Variants in FGF14 observed in about 807,000 individuals in gnomAD.
The protein encoded by FGF14 is fibroblast growth factor homologous factor 4.
FGF14 carries 5 observed loss-of-function variants against 25.5 expected under a neutral mutation model. The ratio of observed to expected loss-of-function variants is 0.20; its 90% CI spans 0.10 to 0.41. FGF14 has a LOEUF of 0.41. Among genes scored for constraint, FGF14 ranks in the 10% least tolerant of loss-of-function variants. The pLI is 1.00. For missense variants in FGF14, 222 were observed against 320.1 expected (o/e 0.69, Z 2.34); for synonymous variants, 138 against 118.3 (o/e 1.17, Z -1.08).
intron 1 of FGF14, among the ~76,000 whole-genome samples, chr13:101,935,793 A>G (rs2035062455): frequency 6.6e-6 from 1 of 152,186 alleles, no homozygotes; most frequent in Non-Finnish European, 1.5e-5. Context: ...ACACACAGAG[A>G]TGTTCTATCC....
intron 3 of FGF14, among the ~76,000 whole-genome samples, chr13:101,794,022 A>G (rs1386032705): frequency 2.0e-5 from 3 of 152,046 alleles, no homozygotes; most frequent in African/African-American, 4.8e-5. Flanking sequence ...CAAACTTCCA[A>G]TGTCACATCA....
At chr13:102,115,054 A>G (rs2045404469) in intron 1 of FGF14, among the ~76,000 whole-genome samples, 1 of 152,188 alleles carries the variant, frequency 6.6e-6, no homozygotes. Flanking sequence ...ATGGTAAAGG[A>G]TAATATTTGA....
At chr13:102,263,219 G>A in intron 1 of FGF14, 1 of 504,912 alleles carries the variant, frequency 2.0e-6, no homozygotes, top group South Asian at 1.8e-5. Context: ...GAGAAGCGCA[G>A]TCAAGCACAC....
intron 1 of FGF14, among the ~76,000 whole-genome samples, chr13:101,883,084 T>C (rs1475440881): frequency 1.3e-5 from 2 of 152,166 alleles, no homozygotes; most frequent in Non-Finnish European, 2.9e-5. Flanking sequence ...AGATGTTATG[T>C]ACAGAAAGAA....
In FGF14 at chr13:102,261,072, C is replaced by G. The variant is rs540294786; in HGVS notation, c.208+140399G>C. Among the ~76,000 whole-genome samples the G allele has an allele frequency of 1.2e-3, 184 of 152,254 alleles. 1 individual carries two copies. Among genetic ancestry groups the G allele is most frequent in the Middle Eastern group, 0.01 (3 of 294 alleles). The stretch of plus-strand genomic sequence containing the variant: ...AATAACTGAAATTGTTTCATCTGAA[C>G]AGATTCATGTCATTTTATTTTAGAT... On this transcript the variant is annotated intron_variant, in intron 1 of 4. Coordinates refer to the FGF14 transcript ENST00000376131.
chr13:102,005,266 G>GCA (rs2039720397), intron 1 of FGF14, among the ~76,000 whole-genome samples: 2 of 152,074 alleles, frequency 1.3e-5, no homozygotes, highest in Admixed American at 6.5e-5. Context: ...ATCCCTACAT[G>GCA]GATATATAAT....
chr13:102,070,259 C>A (rs1459401117), intron 1 of FGF14, among the ~76,000 whole-genome samples: 1 of 152,082 alleles, frequency 6.6e-6, no homozygotes, highest in Non-Finnish European at 1.5e-5. Context: ...ATACAAATGA[C>A]AAACAGGTAT....
At chr13:102,329,338 C>T (rs1227152254) in intron 1 of FGF14, among the ~76,000 whole-genome samples, 4 of 152,102 alleles carry the variant, frequency 2.6e-5, no homozygotes, top group Non-Finnish European at 5.9e-5. Flanking sequence ...TTCCACATGA[C>T]CCCAACAGTA....
chr13:102,108,527 T>C (rs936566994), intron 1 of FGF14, among the ~76,000 whole-genome samples: 8 of 152,232 alleles, frequency 5.3e-5, no homozygotes, highest in African/African-American at 1.9e-4. Context: ...GTGTGAGCTC[T>C]TTCTAAAGAT....
intron 1 of FGF14, among the ~76,000 whole-genome samples, chr13:102,352,036 A>G (rs941393466): frequency 1.3e-5 from 2 of 152,182 alleles, no homozygotes; most frequent in African/African-American, 4.8e-5. Context: ...CCACTGGGGA[A>G]AAAGTGTTCT....
intron 1 of FGF14, among the ~76,000 whole-genome samples, chr13:102,379,800 A>G (rs1017260412): frequency 5.9e-5 from 9 of 152,138 alleles, no homozygotes; most frequent in Non-Finnish European, 5.9e-5. Context: ...TGAAAAGAAA[A>G]TATTTTTTGC....
At chr13:102,359,112 G>A (rs2057495799) in intron 1 of FGF14, among the ~76,000 whole-genome samples, 1 of 152,102 alleles carries the variant, frequency 6.6e-6, no homozygotes, top group African/African-American at 2.4e-5. Context: ...AGTGGGAACT[G>A]AACAATGAGA....
At chr13:101,944,404 C>T (rs1384531076) in intron 1 of FGF14, among the ~76,000 whole-genome samples, 2 of 152,106 alleles carry the variant, frequency 1.3e-5, no homozygotes, top group Non-Finnish European at 2.9e-5. Context: ...TCTCTGCAAA[C>T]AACATTCCTT....
chr13:101,874,590 T>C (rs1244867130), intron 2 of FGF14, among the ~76,000 whole-genome samples: 4 of 152,158 alleles, frequency 2.6e-5, no homozygotes, highest in African/African-American at 9.6e-5. Context: ...CACAGACATT[T>C]ATACAGTGGA....
At chr13:101,967,271 A>G (rs866082250) in intron 1 of FGF14, among the ~76,000 whole-genome samples, 11 of 152,332 alleles carry the variant, frequency 7.2e-5, no homozygotes, top group African/African-American at 2.6e-4. Flanking sequence ...ATTGAGTCAG[A>G]ATGTCTAAAG....
At chr13:102,211,298 A>G (rs951083261) in intron 1 of FGF14, among the ~76,000 whole-genome samples, 1 of 152,154 alleles carries the variant, frequency 6.6e-6, no homozygotes, top group Non-Finnish European at 1.5e-5. Flanking sequence ...TAATAATAAT[A>G]TGTGTGTGAT....
At chr13:102,170,082 C>G (rs927740543) in intron 1 of FGF14, among the ~76,000 whole-genome samples, 6 of 152,084 alleles carry the variant, frequency 3.9e-5, no homozygotes, top group African/African-American at 1.4e-4. Context: ...TTCATCTTAT[C>G]ATAGTGGCTG....
chr13:102,113,638 T>C (rs1468055988), intron 1 of FGF14, among the ~76,000 whole-genome samples: 1 of 152,130 alleles, frequency 6.6e-6, no homozygotes, highest in Non-Finnish European at 1.5e-5. Context: ...CAGTTCCAAA[T>C]CTCTTTACAG....
intron 1 of FGF14, among the ~76,000 whole-genome samples, chr13:101,956,685 A>G (rs2036532167): frequency 6.6e-6 from 1 of 151,850 alleles, no homozygotes. Flanking sequence ...AACTTTTATA[A>G]CTAAGGTTTG....
Sources: gnomAD v4.1 joint callset for allele counts (sites outside exome capture counted in the v4.1 genomes callset) on GRCh38, gnomAD v4.1.1 for gene constraint, MANE v1.5 for transcripts, NCBI Gene and HGNC (gene_info 2026-07-23, HGNC 2026-07-21) for gene names.